The following INSR variants were observed in gnomAD, a reference collection of about 807,000 sequenced individuals.
INSR encodes insulin receptor, also known as IR.
Under a neutral mutation model 142.6 loss-of-function variants are expected in INSR, and 67 were observed. The observed-to-expected ratio is 0.47, with a 90% CI of 0.39 to 0.58. INSR has a LOEUF of 0.58. Among genes scored for constraint, INSR ranks in the 20% least tolerant of loss-of-function variants. INSR has a pLI of 0.00. For synonymous variants in INSR, 756 were observed against 743.1 expected (o/e 1.02, Z -0.28); for missense variants, 1,248 against 1,833.2 (o/e 0.68, Z 5.83).
intron 2 of INSR, among the ~76,000 whole-genome samples, chr19:7,251,358 G>T (rs1033132257): frequency 6.6e-6 from 1 of 152,030 alleles, no homozygotes; most frequent in African/African-American, 2.4e-5. Flanking sequence ...CTGTGCTCAA[G>T]CGATCCTCCC....
chr19:7,278,470 T>A (rs982572389), intron 1 of INSR, among the ~76,000 whole-genome samples: 1 of 152,142 alleles, frequency 6.6e-6, no homozygotes, highest in African/African-American at 2.4e-5. Context: ...AGGCAGCAAT[T>A]TCAAAAGGCC....
At position 7,171,632 on chromosome 19, in the gene INSR, A is replaced by G. The variant is rs368300460; in HGVS notation, c.1268+658T>C. 2.0e-5 allele frequency among the ~76,000 whole-genome samples: 3 copies of G among 152,214 alleles called. No homozygotes were observed. In the East Asian group the frequency reaches 5.8e-4, roughly 29 times the overall value. On this transcript the variant is annotated intron_variant, in intron 5 of 21. Transcript: ENST00000302850. ...GATGGACAACCGGGACTAAGAGGGA[A>G]TGTTCATTTTATGCATGCCAAACTC...
At chr19:7,256,907 T>A (rs1225071028) in intron 2 of INSR, among the ~76,000 whole-genome samples, 1 of 151,118 alleles carries the variant, frequency 6.6e-6, no homozygotes, top group African/African-American at 2.4e-5. Context: ...TGGGCCATCA[T>A]TCACGTTACA....
intron 2 of INSR, among the ~76,000 whole-genome samples, chr19:7,194,825 T>C (rs1321923459): frequency 2.0e-5 from 3 of 152,072 alleles, no homozygotes; most frequent in African/African-American, 7.2e-5. Flanking sequence ...TGCTCTTTTA[T>C]GGACTATTCA....
chr19:7,199,330 G>A (rs7254358), intron 2 of INSR, among the ~76,000 whole-genome samples: 56,573 of 151,862 alleles, frequency 0.37, 10,823 homozygotes, highest in East Asian at 0.45. Context: ...TCGAATCCAG[G>A]TCTCCCAGAG....
At chr19:7,144,781 C>T (rs957320263) in intron 11 of INSR, among the ~76,000 whole-genome samples, 8 of 150,602 alleles carry the variant, frequency 5.3e-5, no homozygotes, top group Non-Finnish European at 1.2e-4. Flanking sequence ...AAAGTAGATT[C>T]CTAGAGGAAA....
chr19:7,160,485 T>A (rs1336553010), intron 9 of INSR, among the ~76,000 whole-genome samples: 1 of 151,902 alleles, frequency 6.6e-6, no homozygotes, highest in African/African-American at 2.4e-5. Flanking sequence ...GTATAGTGTC[T>A]CAGGCCTGTA....
At chr19:7,264,563 C>A (rs576982549) in intron 2 of INSR, among the ~76,000 whole-genome samples, 1 of 152,218 alleles carries the variant, frequency 6.6e-6, no homozygotes, top group Non-Finnish European at 1.5e-5. Flanking sequence ...TTCACTGTTT[C>A]CCCTGGTGTC....
At chr19:7,227,268 T>C (rs1004467583) in intron 2 of INSR, among the ~76,000 whole-genome samples, 1 of 137,628 alleles carries the variant, frequency 7.3e-6, no homozygotes, top group Non-Finnish European at 1.6e-5. Flanking sequence ...CAAGCAAACA[T>C]TTGCATTCTT....
intron 2 of INSR, among the ~76,000 whole-genome samples, chr19:7,238,617 C>CAA (rs796144540): frequency 0.029 from 1,978 of 68,450 alleles, 45 homozygotes; most frequent in Non-Finnish European, 0.032. Context: ...TGCTCCATCT[C>CAA]AAAAAAAAAA....
intron 9 of INSR, among the ~76,000 whole-genome samples, chr19:7,156,259 T>C (rs1328086583): frequency 6.6e-6 from 1 of 151,516 alleles, no homozygotes; most frequent in Admixed American, 6.6e-5. Context: ...CAGAGTTTCA[T>C]CATGTTGGCC....
chr19:7,123,262 G>A (rs372037941), intron 17 of INSR: 6 of 414,404 alleles, frequency 1.4e-5, no homozygotes, highest in South Asian at 9.2e-5. Context: ...TTTGCCTCCC[G>A]GGTTCAAGCA....
intron 1 of INSR, among the ~76,000 whole-genome samples, chr19:7,282,243 T>C (rs1968222046): frequency 1.3e-5 from 2 of 151,950 alleles, no homozygotes; most frequent in African/African-American, 4.8e-5. Context: ...TGTACGCCTG[T>C]AATCCCAGCT....
chr19:7,276,637 C>A (rs1336911824), intron 1 of INSR, among the ~76,000 whole-genome samples: 1 of 152,200 alleles, frequency 6.6e-6, no homozygotes, highest in Non-Finnish European at 1.5e-5. Context: ...ATCTGGCTTC[C>A]CAACCCAGCT....
At chr19:7,197,473 C>T in intron 2 of INSR, among the ~76,000 whole-genome samples, 1 of 150,440 alleles carries the variant, frequency 6.6e-6, no homozygotes, top group Middle Eastern at 3.4e-3. Flanking sequence ...GGTCTCCTCG[C>T]TAGAGCAGCC....
chr19:7,277,119 G>A (rs1568234523), intron 1 of INSR, among the ~76,000 whole-genome samples: 1 of 152,092 alleles, frequency 6.6e-6, no homozygotes, highest in African/African-American at 2.4e-5. Context: ...TACCTGTTCT[G>A]TCTCCCATCT....
intron 2 of INSR, among the ~76,000 whole-genome samples, chr19:7,266,479 G>C (rs188117929): frequency 6.7e-6 from 1 of 150,318 alleles, no homozygotes; most frequent in Non-Finnish European, 1.5e-5. Context: ...TCCGCCTCCC[G>C]GGTTCAAGTG....
rs530429049 is a variant in INSR, at chr19:7,119,366, G to A, written c.3794+83C>T. ...AAACACGGTGAGCGTGTAGACATAG[G>A]AAAGGCAAAACCAAGCACACGTGTA... On this transcript the variant is annotated intron_variant, in intron 21 of 21. Transcript: ENST00000302850. The surrounding 1 kb of genome is among the most constrained non-coding windows in gnomAD (Gnocchi z 5.2). The A allele has an allele frequency of 3.5e-5, 54 of 1,535,874 alleles. No homozygotes were observed. The highest frequency in any genetic ancestry group is 2.3e-5 in the Non-Finnish European group (26 of 1,109,538).
chr19:7,131,460 C>T (rs1266505176), intron 14 of INSR, among the ~76,000 whole-genome samples: 1 of 151,734 alleles, frequency 6.6e-6, no homozygotes, highest in African/African-American at 2.4e-5. Context: ...GCTCCTGCCT[C>T]AGCCTCCTGA....
Sources: gnomAD v4.1 joint callset for allele counts (sites outside exome capture counted in the v4.1 genomes callset) on GRCh38, gnomAD v4.1.1 for gene constraint, Gnocchi (gnomAD v3.1) non-coding constraint, MANE v1.5 for transcripts, NCBI Gene and HGNC (gene_info 2026-07-23, HGNC 2026-07-21) for gene names.